The following KRT71 variants were observed in gnomAD, a reference collection of about 807,000 sequenced individuals.
KRT71 encodes the protein keratin 71, also known as keratin, type II cytoskeletal 71.
Under a neutral mutation model 46.2 loss-of-function variants are expected in KRT71, and 42 were observed. That is an observed-to-expected ratio of 0.91 (90% CI 0.71 to 1.18). KRT71 has a LOEUF of 1.18. Ranked by LOEUF, KRT71 falls within the 50% of genes most tolerant of loss-of-function variation. The probability of loss-of-function intolerance (pLI) is 0.00; values close to 1 mark genes in which losing one functional copy is unlikely to be tolerated. For missense variants in KRT71, 708 were observed against 677.9 expected (o/e 1.04, Z -0.49); for synonymous variants, 292 against 277.8 (o/e 1.05, Z -0.51).
intron 1 of KRT71, among the ~76,000 whole-genome samples, chr12:52,552,134 C>A (rs199705292): frequency 6.6e-6 from 1 of 152,232 alleles, no homozygotes; most frequent in African/African-American, 2.4e-5. Flanking sequence ...ACCGTGGAGT[C>A]CCCTTCCCCA....
rs751910964 is a variant in KRT71 at position 52,550,216 on chromosome 12, C to T, written c.469G>A (p.Val157Ile). 4.3e-6 allele frequency: 7 copies of T among 1,614,168 alleles called. No individual in the cohort carries two copies. The highest frequency in any genetic ancestry group is 2.2e-5 in the South Asian group (2 of 91,080). Residue 157 changes from valine (V) to isoleucine (I), a missense_variant, in exon 2 of 9, where the codon GTA becomes ATA. By Grantham distance (29) the Val-to-Ile change is conservative. Transcript: ENST00000267119. ...AGCAGCTCCCACTTGGTCTCCAGTA[C>T]CTGGTTCTGCTGCTCCAGGAACCGC... The part of the protein sequence containing the change: ...KVRFLEQQNQ[V>I]LETKWELLQQ...
chr12:52,546,250 C>G, intron 7 of KRT71, 36 bp downstream of exon 7: 3 of 1,611,300 alleles, frequency 1.9e-6, no homozygotes, highest in Admixed American at 1.7e-5. Flanking sequence ...CTTCCCAAAC[C>G]CCTGGGGCCC....
rs760559072 is a variant in KRT71, at chr12:52,553,000, C to T, written c.78G>A (p.Gly26=). Residue 26 remains glycine, a synonymous_variant, in exon 1 of 9, where the codon GGG becomes GGA. Coordinates refer to ENST00000267119, the MANE Select transcript of KRT71 (RefSeq NM_033448.3). Reference sequence around the variant, plus strand: ...CTGCCCGGAAGGAGGATGAGCTGCCCCCTGAGAGCACAGCTGAGCAGCCAC... The same window carrying T: ...CTGCCCGGAAGGAGGATGAGCTGCCTCCTGAGAGCACAGCTGAGCAGCCAC... The part of the protein sequence containing the change: ...GFSGCSAVLS[G]GSSSSFRAGS... 1.2e-6 allele frequency: 2 copies of T among 1,613,708 alleles called. No homozygotes were observed. Among genetic ancestry groups the T allele is most frequent in the Non-Finnish European group, 1.7e-6 (2 of 1,179,868 alleles).
At chr12:52,547,736 TCA>T (rs1457134742) in intron 6 of KRT71, 119 bp downstream of exon 6, 1 of 1,265,320 alleles carries the variant, frequency 7.9e-7, no homozygotes, top group African/African-American at 1.5e-5. Context: ...GGCAGCGACC[TCA>T]CTGGCCTTCT....
Position 52,544,597 on chromosome 12 carries a change from C to T in KRT71, c.1507G>A (p.Asp503Asn), listed in dbSNP as rs758401155. The T allele has an allele frequency of 1.1e-5, 17 of 1,614,096 alleles. No homozygotes were observed. The South Asian group carries it at 1.6e-4, about 16-fold the overall frequency. ...CCCTTCCCTAGGGTGTCTTTGTAAT[C>T]GTTGGCACTGCCCCGGCTCCTGCCC... Reference protein sequence around the residue: ...GEGRSRGSANDYKDTLGKGSS... With the variant: ...GEGRSRGSANNYKDTLGKGSS... Residue 503 changes from aspartate (D) to asparagine (N), a missense_variant, in exon 9 of 9, where the codon GAT becomes AAT. By Grantham distance (23) the Asp-to-Asn change is conservative. Coordinates refer to ENST00000267119, the MANE Select transcript of KRT71 (RefSeq NM_033448.3).
At chr12:52,546,003 G>T (rs995848934) in intron 7 of KRT71, among the ~76,000 whole-genome samples, 1 of 151,796 alleles carries the variant, frequency 6.6e-6, no homozygotes, top group Admixed American at 6.6e-5. Context: ...GGGTTTTGCA[G>T]GGAGCAGGGC....
At position 52,550,223 on chromosome 12, in the gene KRT71, C is replaced by A; in HGVS notation, c.462G>T (p.Gln154His). 1 of 1,614,188 alleles carries A rather than the reference C, an allele frequency of 6.2e-7. No homozygotes were observed. The highest frequency in any genetic ancestry group is 8.5e-7 in the Non-Finnish European group (1 of 1,180,044). ...FIDKVRFLEQ[Q>H]NQVLETKWEL... Reference sequence around the variant, plus strand: ...CCCACTTGGTCTCCAGTACCTGGTTCTGCTGCTCCAGGAACCGCACCTGGA... The same window carrying A: ...CCCACTTGGTCTCCAGTACCTGGTTATGCTGCTCCAGGAACCGCACCTGGA... The change falls in exon 2 of 9, where the codon CAG becomes CAT. Residue 154 changes from glutamine (Q) to histidine (H), a missense_variant. Physicochemically the swap from Gln to His is conservative, Grantham distance 24 (BLOSUM62 0). Transcript: ENST00000267119.
At chr12:52,552,430 A>G (rs904509372) in intron 1 of KRT71, among the ~76,000 whole-genome samples, 1 of 152,260 alleles carries the variant, frequency 6.6e-6, no homozygotes, top group Admixed American at 6.5e-5. Context: ...CTCTGCCAGT[A>G]GAAATTGACC....
chr12:52,551,325 A>C (rs1939164372), intron 1 of KRT71, among the ~76,000 whole-genome samples: 1 of 152,184 alleles, frequency 6.6e-6, no homozygotes, highest in African/African-American at 2.4e-5. Flanking sequence ...CTTTATAAAC[A>C]GGATGTGACC....
chr12:52,546,120 C>G (rs1217769878), intron 7 of KRT71, among the ~76,000 whole-genome samples, 166 bp downstream of exon 7: 1 of 152,054 alleles, frequency 6.6e-6, no homozygotes, highest in African/African-American at 2.4e-5. Flanking sequence ...TGAGTGGATA[C>G]TCATGTCCAC....
chr12:52,549,727 C>G (rs1939129971), intron 2 of KRT71, among the ~76,000 whole-genome samples: 1 of 152,204 alleles, frequency 6.6e-6, no homozygotes, highest in South Asian at 2.1e-4. Context: ...GCCAGATGCA[C>G]TTAACCCTCC....
intron 1 of KRT71, among the ~76,000 whole-genome samples, chr12:52,551,993 T>C (rs1425707731): frequency 6.6e-6 from 1 of 152,224 alleles, no homozygotes; most frequent in Non-Finnish European, 1.5e-5. Flanking sequence ...CTGCATTTTC[T>C]TTTATAAGCC....
In KRT71 at chr12:52,544,160, T is replaced by C. The variant is rs1313332656; in HGVS notation, c.*372A>G. 11 of 267,048 alleles carry C rather than the reference T, an allele frequency of 4.1e-5. No homozygotes were observed. The highest frequency in any genetic ancestry group is 1.4e-4 in the Admixed American group (3 of 21,524). 16.5% of individuals were successfully genotyped at this position (267,048 alleles called of 1,614,324 possible). On this transcript the variant is annotated 3_prime_UTR_variant, in exon 9 of 9. Coordinates refer to ENST00000267119, the MANE Select transcript of KRT71 (RefSeq NM_033448.3). ...CAGCTCCTGGCATAGGCAGGAACTA[T>C]GCTAGGTCCCAGTGTGTGCGGGGCC... is the stretch of plus-strand genomic sequence containing the variant.
At chr12:52,546,646 C>A in intron 6 of KRT71, 140 bp from the exon 7 acceptor site, 1 of 827,004 alleles carries the variant, frequency 1.2e-6, no homozygotes, top group Non-Finnish European at 1.9e-6. Context: ...TGCAGCAGAG[C>A]CCCTTCTGGG....
chr12:52,552,032 A>T (rs558667502), intron 1 of KRT71, among the ~76,000 whole-genome samples: 79 of 152,378 alleles, frequency 5.2e-4, no homozygotes, highest in African/African-American at 1.9e-3. Context: ...AGAAGTTATT[A>T]TCTCCATTTT....
chr12:52,547,331 A>C (rs1353987746), intron 6 of KRT71, among the ~76,000 whole-genome samples: 1 of 152,204 alleles, frequency 6.6e-6, no homozygotes, highest in Non-Finnish European at 1.5e-5. Flanking sequence ...CTCACCTACA[A>C]GCCGAGGCTG....
intron 2 of KRT71, among the ~76,000 whole-genome samples, chr12:52,549,569 C>T (rs964415002): frequency 1.3e-5 from 2 of 152,138 alleles, no homozygotes; most frequent in Non-Finnish European, 2.9e-5. Context: ...GCTTGGCAAA[C>T]GAGGAAGGAG....
At chr12:52,548,817 C>T (rs113853218) in intron 3 of KRT71, 21 bp from the exon 4 acceptor site, 223 of 1,608,706 alleles carry the variant, frequency 1.4e-4, no homozygotes, top group Non-Finnish European at 1.8e-4. Context: ...CCCCCACCAT[C>T]CCCTGTCACT....
Position 52,547,846 on chromosome 12 carries a change from C to T in KRT71, c.1104+11G>A, listed in dbSNP as rs756409851. On this transcript the variant is annotated intron_variant, in intron 6 of 8. Coordinates refer to ENST00000267119, the MANE Select transcript of KRT71 (RefSeq NM_033448.3). Reference sequence around the variant, plus strand: ...GCACTTGACCACAGGCCAAGGCCAACGTGCTCTCACCTGCTTCTTCACGTT... The same window carrying T: ...GCACTTGACCACAGGCCAAGGCCAATGTGCTCTCACCTGCTTCTTCACGTT... 23 of 1,613,372 alleles carry T rather than the reference C, an allele frequency of 1.4e-5. No homozygotes were observed. Among genetic ancestry groups the T allele is most frequent in the African/African-American group, 1.1e-4 (8 of 74,932 alleles).
Sources: allele counts gnomAD v4.1 joint callset (sites outside exome capture counted in the v4.1 genomes callset), GRCh38; gene constraint gnomAD v4.1.1; transcripts MANE v1.5; gene names NCBI Gene and HGNC (gene_info 2026-07-23, HGNC 2026-07-21).